Variants in ASTN2 observed in about 807,000 individuals in gnomAD.
ASTN2 encodes astrotactin 2, also known as astrotactin-2.
ASTN2 carries 54 observed loss-of-function variants against 139.8 expected under a neutral mutation model. The ratio of observed to expected loss-of-function variants is 0.39; its 90% CI spans 0.31 to 0.48. The LOEUF (loss-of-function observed/expected upper bound fraction) is 0.48. Ranked by LOEUF, ASTN2 falls within the 20% of genes least tolerant of loss-of-function variation. The pLI, the probability that ASTN2 is intolerant of heterozygous loss-of-function variation, is 0.95. For missense variants in ASTN2, 1,565 were observed against 1,725.1 expected (o/e 0.91, Z 1.64); for synonymous variants, 756 against 719.5 (o/e 1.05, Z -0.81).
intron 7 of ASTN2, among the ~76,000 whole-genome samples, chr9:117,004,365 CT>C (rs1442775869): frequency 6.6e-6 from 1 of 152,176 alleles, no homozygotes; most frequent in Non-Finnish European, 1.5e-5. Context: ...AAGCGATCCA[CT>C]TGCTTCAGCC....
At chr9:116,737,641 G>C (rs912479198) in intron 13 of ASTN2, among the ~76,000 whole-genome samples, 1 of 149,622 alleles carries the variant, frequency 6.7e-6, no homozygotes, top group Non-Finnish European at 1.5e-5. Context: ...GTGTGTGTGT[G>C]TGTGTGTAGT....
intron 10 of ASTN2, among the ~76,000 whole-genome samples, chr9:116,920,694 C>G (rs145431040): frequency 6.6e-6 from 1 of 152,284 alleles, no homozygotes; most frequent in East Asian, 1.9e-4. Context: ...TTTTCTAGAA[C>G]AATACCAGGA....
chr9:117,396,053 G>C (rs540943802), intron 1 of ASTN2, among the ~76,000 whole-genome samples: 4 of 152,072 alleles, frequency 2.6e-5, no homozygotes, highest in African/African-American at 7.2e-5. Flanking sequence ...CCCTAAGAAG[G>C]CCACCCCAAA....
At chr9:116,700,207 C>T (rs759347153) in intron 16 of ASTN2, 7 of 194,412 alleles carry the variant, frequency 3.6e-5, no homozygotes, top group South Asian at 2.6e-4. Flanking sequence ...ATCATATTCC[C>T]GTAACATTAT....
chr9:116,940,321 C>A (rs2132467566), intron 10 of ASTN2, among the ~76,000 whole-genome samples: 1 of 152,204 alleles, frequency 6.6e-6, no homozygotes, highest in East Asian at 1.9e-4. Flanking sequence ...TCAGACAAGT[C>A]CTTGTAACTG....
chr9:117,015,076 C>T (rs1435296018), intron 6 of ASTN2, among the ~76,000 whole-genome samples: 5 of 152,068 alleles, frequency 3.3e-5, no homozygotes, highest in East Asian at 1.9e-4. Flanking sequence ...TGCAGTGGTG[C>T]GATGACTCAC....
chr9:117,074,018 G>A (rs895230695), intron 5 of ASTN2, among the ~76,000 whole-genome samples: 4 of 152,226 alleles, frequency 2.6e-5, no homozygotes, highest in East Asian at 1.9e-4. Context: ...CCAGGCGATG[G>A]CCATTATTAT....
rs191519372 is a variant in ASTN2, at chr9:116,533,201, C to G, written c.3356-45701G>C. Among the ~76,000 whole-genome samples, 42 of 152,274 alleles carry G rather than the reference C, an allele frequency of 2.8e-4. 2 individuals carry two copies. The highest frequency in any genetic ancestry group is 8.9e-4 in the African/African-American group (37 of 41,546). On this transcript the variant is annotated intron_variant, in intron 19 of 22. Coordinates refer to ENST00000313400, the MANE Select transcript of ASTN2 (RefSeq NM_001365068.1). ...TATAAGAATGCTTGTGATTTTTGCA[C>G]ATTGATTTTGTATCCTGAGACTTTG...
At chr9:116,839,237 T>C (rs1832115438) in intron 11 of ASTN2, among the ~76,000 whole-genome samples, 1 of 151,818 alleles carries the variant, frequency 6.6e-6, no homozygotes, top group South Asian at 2.1e-4. Context: ...AGTCTTGAAA[T>C]CCTGGGCTCA....
intron 13 of ASTN2, among the ~76,000 whole-genome samples, chr9:116,737,306 G>A (rs942086066): frequency 3.9e-5 from 6 of 152,174 alleles, no homozygotes; most frequent in Non-Finnish European, 8.8e-5. Flanking sequence ...AGTAGCTGCT[G>A]GGAAAGTTCC....
chr9:116,684,077 A>G (rs929857593), intron 16 of ASTN2, among the ~76,000 whole-genome samples: 2 of 152,168 alleles, frequency 1.3e-5, no homozygotes, highest in African/African-American at 2.4e-5. Context: ...AGGAACCCCA[A>G]GTTATTTTGG....
intron 19 of ASTN2, among the ~76,000 whole-genome samples, chr9:116,542,034 C>A (rs1270658962): frequency 6.6e-6 from 1 of 152,144 alleles, no homozygotes; most frequent in Non-Finnish European, 1.5e-5. Flanking sequence ...AATTATTTCT[C>A]ATGATTTTTT....
chr9:116,991,736 C>T (rs570791618), intron 7 of ASTN2, among the ~76,000 whole-genome samples: 23 of 152,276 alleles, frequency 1.5e-4, no homozygotes, highest in African/African-American at 5.1e-4. Context: ...AAGATTTCAG[C>T]CCTGGTCTGT....
intron 3 of ASTN2, among the ~76,000 whole-genome samples, chr9:117,150,023 G>C (rs2132877209): frequency 6.6e-6 from 1 of 152,188 alleles, no homozygotes; most frequent in Middle Eastern, 3.4e-3. Context: ...CAAGATCTTG[G>C]GCCTGTCAGT....
intron 1 of ASTN2, among the ~76,000 whole-genome samples, chr9:117,395,400 G>A (rs1830650936): frequency 6.6e-6 from 1 of 152,198 alleles, no homozygotes; most frequent in Admixed American, 6.5e-5. Flanking sequence ...TCCTGCTGGA[G>A]ATTTTATGGG....
intron 20 of ASTN2, among the ~76,000 whole-genome samples, chr9:116,443,435 A>C (rs888437590): frequency 6.6e-6 from 1 of 152,180 alleles, no homozygotes; most frequent in Non-Finnish European, 1.5e-5. Context: ...CCACCTTTCT[A>C]TGATGTCATC....
At chr9:116,895,310 G>T (rs1044595982) in intron 10 of ASTN2, among the ~76,000 whole-genome samples, 2 of 152,160 alleles carry the variant, frequency 1.3e-5, no homozygotes, top group East Asian at 1.9e-4. Flanking sequence ...CCATCTCCAG[G>T]ATATTTCTTT....
chr9:117,317,884 G>A (rs1179741774), intron 1 of ASTN2, among the ~76,000 whole-genome samples: 1 of 152,214 alleles, frequency 6.6e-6, no homozygotes, highest in East Asian at 1.9e-4. Context: ...ACTCCAGAGA[G>A]GGGCTGTGAC....
At chr9:116,826,345 C>A (rs1255764499) in intron 11 of ASTN2, among the ~76,000 whole-genome samples, 2 of 152,206 alleles carry the variant, frequency 1.3e-5, no homozygotes. Flanking sequence ...CTGGTCACAG[C>A]CCACAGCTGG....
Sources: gnomAD v4.1 joint callset for allele counts (sites outside exome capture counted in the v4.1 genomes callset) on GRCh38, gnomAD v4.1.1 for gene constraint, MANE v1.5 for transcripts, NCBI Gene and HGNC (gene_info 2026-07-23, HGNC 2026-07-21) for gene names.